EVC2: variants seen among roughly 807,000 people sequenced by gnomAD.
EVC2 encodes the protein EvC ciliary complex subunit 2, also known as limbin.
Under a neutral mutation model 149.3 loss-of-function variants are expected in EVC2, and 148 were observed. That is an observed-to-expected ratio of 0.99 (90% confidence interval 0.87 to 1.14). The LOEUF is 1.14. Among genes scored for constraint, EVC2 ranks in the 50% most tolerant of loss-of-function variants. The pLI, the probability that EVC2 is intolerant of heterozygous loss-of-function variation, is 0.00. For missense variants in EVC2, 1,854 were observed against 1,627.3 expected (o/e 1.14, Z -2.40); for synonymous variants, 776 against 649.9 (o/e 1.19, Z -2.95).
At chr4:5,594,046 T>A (rs1713123133) in intron 16 of EVC2, among the ~76,000 whole-genome samples, 1 of 152,156 alleles carries the variant, frequency 6.6e-6, no homozygotes, top group South Asian at 2.1e-4. Context: ...CCAGGCTTGC[T>A]TAGGTAAACA....
intron 11 of EVC2, among the ~76,000 whole-genome samples, chr4:5,629,135 C>T (rs1386860435): frequency 6.6e-6 from 1 of 152,184 alleles, no homozygotes; most frequent in Admixed American, 6.5e-5. Context: ...CCCCAAGGAG[C>T]TCCCACCACC....
chr4:5,581,759 C>G (rs1386169427), intron 17 of EVC2, among the ~76,000 whole-genome samples: 1 of 152,186 alleles, frequency 6.6e-6, no homozygotes, highest in Non-Finnish European at 1.5e-5. Flanking sequence ...CACGGCAGCC[C>G]TTTAATCACA....
intron 16 of EVC2, among the ~76,000 whole-genome samples, chr4:5,594,254 G>A (rs987625535): frequency 5.9e-5 from 9 of 152,308 alleles, no homozygotes; most frequent in African/African-American, 1.2e-4. Context: ...ATCTGAGAAC[G>A]GGCAGACTGC....
At chr4:5,617,054 T>C (rs1715310112) in intron 15 of EVC2, among the ~76,000 whole-genome samples, 1 of 151,936 alleles carries the variant, frequency 6.6e-6, no homozygotes. Flanking sequence ...ATTCTGTATC[T>C]CCCACATCCT....
At position 5,613,780 on chromosome 4, in the gene EVC2, G is replaced by A. The variant is rs369207811; in HGVS notation, c.2829+1642C>T. 2.1e-4 allele frequency among the ~76,000 whole-genome samples: 32 copies of A among 152,196 alleles called. 1 individual carries two copies. In the South Asian group the frequency reaches 5.6e-3, roughly 27 times the overall value. On this transcript the variant is annotated intron_variant, in intron 16 of 21. Transcript: ENST00000344408. This position sits in a 1 kb window ranked among gnomAD's most constrained non-coding sequence, Gnocchi z 4.6. The stretch of plus-strand genomic sequence containing the variant: ...GTAAGATGACATTTTGCCTCTATCT[G>A]CCTAATCTTTGTCTTGCTGTTCAAT...
chr4:5,620,380 G>C (rs1327828420), intron 14 of EVC2, among the ~76,000 whole-genome samples: 3 of 152,136 alleles, frequency 2.0e-5, no homozygotes, highest in Admixed American at 6.5e-5. Context: ...AAATACAGGA[G>C]GCGAGATCTT....
At chr4:5,667,977 G>A (rs979981615) in intron 7 of EVC2, among the ~76,000 whole-genome samples, 1 of 152,186 alleles carries the variant, frequency 6.6e-6, no homozygotes, top group Admixed American at 6.6e-5. Context: ...AATCTTGTAA[G>A]CAAGCTTTTC....
chr4:5,627,402 T>G (rs114706690), intron 12 of EVC2, among the ~76,000 whole-genome samples: 1 of 152,154 alleles, frequency 6.6e-6, no homozygotes, highest in Non-Finnish European at 1.5e-5. Context: ...AAATCAGGAA[T>G]GCGAAGTAAA....
chr4:5,574,997 G>C (rs1722838743), intron 18 of EVC2, among the ~76,000 whole-genome samples: 1 of 152,180 alleles, frequency 6.6e-6, no homozygotes, highest in South Asian at 2.1e-4. Context: ...TCCTCGAAGT[G>C]AAAAGTTTCA....
chr4:5,629,717 G>C lies in EVC2; in HGVS notation c.1711-983C>G, dbSNP rs1167577434. Reference sequence around the variant, plus strand: ...AGTGAAAAGCTGCATGGCCAGTCAGGTGTGGCTTCACACACACTAGCATCT... The same window carrying C: ...AGTGAAAAGCTGCATGGCCAGTCAGCTGTGGCTTCACACACACTAGCATCT... On this transcript the variant is annotated intron_variant, in intron 11 of 21. Transcript: ENST00000344408. Among the ~76,000 whole-genome samples, 3 of 152,210 alleles carry C rather than the reference G, an allele frequency of 2.0e-5. No individual in the cohort carries two copies. The South Asian group carries it at 6.2e-4, about 31-fold the overall frequency.
intron 7 of EVC2, among the ~76,000 whole-genome samples, chr4:5,680,590 G>A (rs574623929): frequency 6.0e-4 from 92 of 152,306 alleles, no homozygotes; most frequent in African/African-American, 2.2e-3. Context: ...TGGGGACCCT[G>A]ACATTCTAGC....
At chr4:5,681,160 A>G in intron 7 of EVC2, 100 bp downstream of exon 7, 1 of 1,373,980 alleles carries the variant, frequency 7.3e-7, no homozygotes, top group Non-Finnish European at 1.0e-6. Context: ...CTGGGGGACC[A>G]AGGCCAGCAG....
At chr4:5,628,220 A>G (rs1716258151) in intron 12 of EVC2, among the ~76,000 whole-genome samples, 1 of 152,026 alleles carries the variant, frequency 6.6e-6, no homozygotes, top group Non-Finnish European at 1.5e-5. Context: ...TTGAAATTTA[A>G]TTGCCATTGT....
chr4:5,603,168 T>G (rs1714128665), intron 16 of EVC2, among the ~76,000 whole-genome samples: 1 of 152,138 alleles, frequency 6.6e-6, no homozygotes, highest in Non-Finnish European at 1.5e-5. Flanking sequence ...AGGTCCAAAC[T>G]GGATAGATTA....
intron 19 of EVC2, among the ~76,000 whole-genome samples, chr4:5,570,576 A>C (rs2108772984): frequency 6.6e-6 from 1 of 152,360 alleles, no homozygotes; most frequent in African/African-American, 2.4e-5. Context: ...CCACTATGGA[A>C]AACAGTATGG....
the EVC2 span, among the ~76,000 whole-genome samples, chr4:5,530,611 C>T: frequency 6.6e-6 from 1 of 152,078 alleles, no homozygotes; most frequent in Admixed American, 6.5e-5. Flanking sequence ...AACCATAGTC[C>T]TCCTGCTGTG....
chr4:5,707,604 G>T (rs766230093), intron 1 of EVC2, among the ~76,000 whole-genome samples: 2 of 152,154 alleles, frequency 1.3e-5, no homozygotes, highest in Non-Finnish European at 1.5e-5. Context: ...AGGGCTGGAA[G>T]TGAAGTGGTG....
chr4:5,542,965 C>T (rs1721543411), intron 22 of EVC2: 2 of 386,526 alleles, frequency 5.2e-6, no homozygotes, highest in South Asian at 2.1e-5. Flanking sequence ...GCAATGTAAA[C>T]AAGTCCTCCC....
At chr4:5,578,976 C>T (rs1711527110) in intron 17 of EVC2, among the ~76,000 whole-genome samples, 1 of 152,056 alleles carries the variant, frequency 6.6e-6, no homozygotes, top group Non-Finnish European at 1.5e-5. Context: ...AGGCAGAGAT[C>T]CTTCAAAGGG....
Sources: gnomAD v4.1 joint callset for allele counts (sites outside exome capture counted in the v4.1 genomes callset) on GRCh38, gnomAD v4.1.1 for gene constraint, Gnocchi (gnomAD v3.1) non-coding constraint, MANE v1.5 for transcripts, NCBI Gene and HGNC (gene_info 2026-07-23, HGNC 2026-07-21) for gene names.